The following DGKD variants were observed in gnomAD, a reference collection of about 807,000 sequenced individuals.
DGKD encodes the protein diacylglycerol kinase delta.
Under a neutral mutation model 154.4 loss-of-function variants are expected in DGKD, and 68 were observed. The ratio of observed to expected loss-of-function variants is 0.44; its 90% CI spans 0.36 to 0.54. The LOEUF is 0.54. Among genes scored for constraint, DGKD ranks in the 20% least tolerant of loss-of-function variants. The pLI is 0.00. For missense variants in DGKD, 1,343 were observed against 1,593.6 expected (o/e 0.84, Z 2.68); for synonymous variants, 693 against 638.0 (o/e 1.09, Z -1.30).
At chr2:233,371,156 G>GT (rs2125399038) in intron 1 of DGKD, among the ~76,000 whole-genome samples, 1 of 152,244 alleles carries the variant, frequency 6.6e-6, no homozygotes, top group African/African-American at 2.4e-5. Flanking sequence ...CTGCACCATT[G>GT]TATGTTCCCT....
At chr2:233,380,658 G>A (rs879556455) in intron 1 of DGKD, among the ~76,000 whole-genome samples, 1 of 152,150 alleles carries the variant, frequency 6.6e-6, no homozygotes, top group Admixed American at 6.5e-5. Context: ...TGTGAGCAGT[G>A]AGGATGTGTG....
intron 3 of DGKD, among the ~76,000 whole-genome samples, chr2:233,431,159 C>T (rs181541941): frequency 9.9e-5 from 15 of 152,252 alleles, no homozygotes; most frequent in Non-Finnish European, 1.3e-4. Flanking sequence ...ATGCAAAACT[C>T]AGTAGCATTT....
At chr2:233,447,423 A>G in intron 12 of DGKD, 1 of 965,472 alleles carries the variant, frequency 1.0e-6, no homozygotes, top group African/African-American at 1.8e-5. Context: ...GGCTAGGGCA[A>G]CGGTCAGCAA....
At chr2:233,450,197 T>C in intron 16 of DGKD, 66 bp downstream of exon 16, 1 of 1,498,100 alleles carries the variant, frequency 6.7e-7, no homozygotes. Context: ...CGTAGCGGGC[T>C]TGCCAGGGGA....
chr2:233,451,946 C>T lies in DGKD; in HGVS notation c.2168-18C>T. The T allele has an allele frequency of 1.2e-6, 2 of 1,612,864 alleles. No individual in the cohort carries two copies. On this transcript the variant is annotated intron_variant, in intron 17 of 29. Transcript: ENST00000264057. ...AGCTCCTGACCAGCACCACCTCTTT[C>T]TTGTATCTCCTTTACAGATGTCCGG...
intron 1 of DGKD, among the ~76,000 whole-genome samples, chr2:233,370,946 C>A (rs1218417686): frequency 1.3e-5 from 2 of 151,894 alleles, no homozygotes; most frequent in Non-Finnish European, 2.9e-5. Flanking sequence ...GAGATGAGGT[C>A]TTGCTGTGTT....
chr2:233,450,704 T>C (rs566107539), intron 16 of DGKD, among the ~76,000 whole-genome samples: 1 of 152,206 alleles, frequency 6.6e-6, no homozygotes, highest in East Asian at 1.9e-4. Context: ...CGCTGCCACC[T>C]GTGGCCTGTG....
chr2:233,420,256 TC>T (rs1412678328), intron 3 of DGKD, among the ~76,000 whole-genome samples: 1 of 152,194 alleles, frequency 6.6e-6, no homozygotes, highest in Non-Finnish European at 1.5e-5. Flanking sequence ...CTGTTAACCT[TC>T]CGTATGGCTA....
chr2:233,394,181 A>T (rs1703840922), intron 3 of DGKD, among the ~76,000 whole-genome samples: 1 of 152,214 alleles, frequency 6.6e-6, no homozygotes, highest in African/African-American at 2.4e-5. Context: ...GTAAATATTT[A>T]AAAAGATAAT....
chr2:233,428,456 A>G (rs2062391137), intron 3 of DGKD, among the ~76,000 whole-genome samples: 1 of 152,198 alleles, frequency 6.6e-6, no homozygotes, highest in Non-Finnish European at 1.5e-5. Context: ...GCAGTGTCAA[A>G]TGATGACATC....
intron 19 of DGKD, among the ~76,000 whole-genome samples, chr2:233,455,093 G>A (rs1052027839): frequency 1.3e-5 from 2 of 152,206 alleles, no homozygotes; most frequent in African/African-American, 4.8e-5. Context: ...ATTCAACATC[G>A]GAAAACCAGT....
chr2:233,467,225 G>A (rs2063851191), intron 28 of DGKD, 22 bp downstream of exon 28: 2 of 1,565,416 alleles, frequency 1.3e-6, no homozygotes, highest in African/African-American at 1.4e-5. Flanking sequence ...TCTCCCGCGT[G>A]TGTTTCTGGC....
At chr2:233,448,025 G>A in intron 12 of DGKD, 62 bp from the exon 13 acceptor site, 1 of 1,603,112 alleles carries the variant, frequency 6.2e-7, no homozygotes, top group Non-Finnish European at 8.5e-7. Flanking sequence ...AGAGTCACTG[G>A]GACTGTCATG....
At chr2:233,428,497 C>T (rs1376249288) in intron 3 of DGKD, among the ~76,000 whole-genome samples, 2 of 152,186 alleles carry the variant, frequency 1.3e-5, no homozygotes, top group East Asian at 3.8e-4. Context: ...CAAGGTAGCA[C>T]CGATAGTGAC....
intron 3 of DGKD, among the ~76,000 whole-genome samples, chr2:233,393,521 A>G (rs1703784017): frequency 6.6e-6 from 1 of 150,468 alleles, no homozygotes; most frequent in South Asian, 2.1e-4. Flanking sequence ...ATTTTTAGTT[A>G]GAGATGGGTT....
At position 233,441,280 on chromosome 2, in the gene DGKD, C is replaced by T. The variant is rs775679069; in HGVS notation, c.1086-607C>T. ...GGGTAGGAGGCGTGGGTCACATCACCGGAGGACTGAGTGGGCCCAGGCATA... is the reference window on the plus strand; with the variant it reads ...GGGTAGGAGGCGTGGGTCACATCACTGGAGGACTGAGTGGGCCCAGGCATA... On this transcript the variant is annotated intron_variant, in intron 9 of 29. Transcript: ENST00000264057. The surrounding 1 kb of genome is among the most constrained non-coding windows in gnomAD (Gnocchi z 5.6). Among the ~76,000 whole-genome samples the T allele has an allele frequency of 2.0e-5, 3 of 152,094 alleles. No homozygotes were observed. The highest frequency in any genetic ancestry group is 2.1e-4 in the South Asian group (1 of 4,828).
chr2:233,435,838 A>G lies in DGKD; in HGVS notation c.607A>G (p.Lys203Glu). 1 of 1,611,796 alleles carries G rather than the reference A, an allele frequency of 6.2e-7. No homozygotes were observed. Among genetic ancestry groups the G allele is most frequent in the Non-Finnish European group, 8.5e-7 (1 of 1,178,858 alleles). Reference protein sequence around the residue: ...SCEVCKFKAHKRCAVRATNNC... With the variant: ...SCEVCKFKAHERCAVRATNNC... ...CACAGTGTGCAAATTTAAGGCCCAC[A>G]AGCGCTGTGCTGTGCGTGCAACCAA... is the stretch of plus-strand genomic sequence containing the variant. Residue 203 changes from lysine to glutamate, a missense_variant, in exon 6 of 30, where the codon AAG (lysine) becomes GAG (glutamate). Physicochemically the swap from Lys to Glu is moderately conservative, Grantham distance 56 (BLOSUM62 1). Coordinates refer to ENST00000264057, the MANE Select transcript of DGKD (RefSeq NM_152879.3).
Position 233,459,910 on chromosome 2 carries a change from G to A in DGKD, c.2829+19G>A, listed in dbSNP as rs200491208. ...AGACAGGGTAAGAGCGGCTGCCCGC[G>A]GTACCTGGGTGGGGTACAGGGCTCA... On this transcript the variant is annotated intron_variant, in intron 23 of 29. Transcript: ENST00000264057. The surrounding 1 kb of genome is among the most constrained non-coding windows in gnomAD (Gnocchi z 5.7). 3.9e-5 allele frequency: 63 copies of A among 1,611,154 alleles called. No individual in the cohort carries two copies. In the Admixed American group the frequency reaches 9.5e-4, roughly 24 times the overall value.
In DGKD at chr2:233,406,131, C is replaced by G. The variant is rs192176044; in HGVS notation, c.348+15648C>G. On this transcript the variant is annotated intron_variant, in intron 3 of 29. Transcript: ENST00000264057. ...GTGGCTGCATCGCTTCAAGATCTGC[C>G]TCTGTCTCCACATGGCCTTTTCTTC... Among the ~76,000 whole-genome samples the G allele has an allele frequency of 1.5e-3, 227 of 152,300 alleles. 2 individuals carry two copies. The highest frequency in any genetic ancestry group is 0.013 in the Admixed American group (194 of 15,296).
Sources: gnomAD v4.1 joint callset for allele counts (sites outside exome capture counted in the v4.1 genomes callset) on GRCh38, gnomAD v4.1.1 for gene constraint, Gnocchi (gnomAD v3.1) non-coding constraint, MANE v1.5 for transcripts, NCBI Gene and HGNC (gene_info 2026-07-23, HGNC 2026-07-21) for gene names.